The following APCDD1 variants were observed in gnomAD, a reference collection of about 807,000 sequenced individuals.
The protein encoded by APCDD1 is APC down-regulated 1.
In APCDD1, 15 loss-of-function variants were observed where a neutral mutation model predicts 38.1. That is an observed-to-expected ratio of 0.39 (90% CI 0.26 to 0.61). The LOEUF (loss-of-function observed/expected upper bound fraction) is 0.61. APCDD1 is among the 20% of genes least tolerant of loss of function. APCDD1 has a pLI of 0.49. For synonymous variants in APCDD1, 261 were observed against 279.7 expected, an observed-to-expected ratio of 0.93 and a Z score of 0.67; for missense variants, 647 against 696.2, an observed-to-expected ratio of 0.93 and a Z score of 0.79.
chr18:10,484,496 G>T (rs113514807), intron 3 of APCDD1, among the ~76,000 whole-genome samples: 2,723 of 152,172 alleles, frequency 0.018, 51 homozygotes, highest in Admixed American at 0.04. Context: ...GGCACTGATC[G>T]CATTCATGTT....
rs2031290000 is a variant in APCDD1 at position 10,488,095 on chromosome 18, C to T, written c.*57C>T. Reference sequence around the variant, plus strand: ...GGATTCCTTACTATTGACAGATTTGCTTTACCAAAAGAAAAGACATTTATT... The same window carrying T: ...GGATTCCTTACTATTGACAGATTTGTTTTACCAAAAGAAAAGACATTTATT... On this transcript the variant is annotated 3_prime_UTR_variant, in exon 5 of 5. Coordinates refer to ENST00000355285, the MANE Select transcript of APCDD1 (RefSeq NM_153000.5). 1 of 1,592,284 alleles carries T rather than the reference C, an allele frequency of 6.3e-7. No individual in the cohort carries two copies. The highest frequency in any genetic ancestry group is 1.7e-5 in the Admixed American group (1 of 59,250).
intron 1 of APCDD1, among the ~76,000 whole-genome samples, chr18:10,464,002 G>A (rs2030637703): frequency 6.6e-6 from 1 of 152,186 alleles, no homozygotes; most frequent in South Asian, 2.1e-4. Flanking sequence ...TGTCAAATGT[G>A]AGCAATAGCA....
At chr18:10,473,332 C>G (rs563400627) in intron 3 of APCDD1, among the ~76,000 whole-genome samples, 1 of 152,272 alleles carries the variant, frequency 6.6e-6, no homozygotes, top group African/African-American at 2.4e-5. Flanking sequence ...ATGGCTGTGT[C>G]CCCGCGTGTG....
intron 3 of APCDD1, chr18:10,477,535 T>A (rs2031031950): frequency 6.6e-6 from 1 of 152,228 alleles, no homozygotes; most frequent in Non-Finnish European, 1.5e-5. Flanking sequence ...TAAACAGGCA[T>A]GCAAGGTTGC....
chr18:10,485,703 T>G lies in APCDD1; in HGVS notation c.1016T>G (p.Phe339Cys). The G allele has an allele frequency of 6.2e-7, 1 of 1,614,042 alleles. No homozygotes were observed. The highest frequency in any genetic ancestry group is 8.5e-7 in the Non-Finnish European group (1 of 1,180,028). ...YSDPVCKHPT[F>C]SIYARGRYSR... ...GACCCGGTGTGCAAGCACCCCACCT[T>G]CTCCATCTACGCCCGGGGCCGCTAC... The change falls in exon 4 of 5, where the codon TTC becomes TGC. Residue 339 changes from phenylalanine to cysteine, a missense_variant. Transcript: ENST00000355285. This position sits in a 1 kb window ranked among gnomAD's most constrained non-coding sequence, Gnocchi z 5.8.
At chr18:10,468,430 ACTT>A (rs1193842214) in intron 1 of APCDD1, 36 bp from the exon 2 acceptor site, 10 of 1,609,584 alleles carry the variant, frequency 6.2e-6, no homozygotes, top group African/African-American at 1.3e-5. Context: ...GTCTGCTGCT[ACTT>A]CTTCTTTTGG....
In APCDD1 at chr18:10,488,445, C is replaced by G. The variant is rs1303170024; in HGVS notation, c.*407C>G. ...CCATTTTCCTGTGGTTGCAGCCTGT[C>G]TTCCTTTGAAATTGTTTTACTCTCT... On this transcript the variant is annotated 3_prime_UTR_variant, in exon 5 of 5. Coordinates refer to ENST00000355285, the MANE Select transcript of APCDD1 (RefSeq NM_153000.5). The G allele has an allele frequency of 5.2e-6, 1 of 190,872 alleles. No individual in the cohort carries two copies. Among genetic ancestry groups the G allele is most frequent in the Non-Finnish European group, 1.1e-5 (1 of 92,198 alleles). 11.8% of individuals were successfully genotyped at this position (190,872 alleles called of 1,614,324 possible).
At chr18:10,459,096 A>T (rs965849470) in intron 1 of APCDD1, among the ~76,000 whole-genome samples, 1 of 152,172 alleles carries the variant, frequency 6.6e-6, no homozygotes, top group Admixed American at 6.5e-5. Flanking sequence ...TCAGCTAACC[A>T]TTTATTCAGA....
chr18:10,471,861 G>C lies in APCDD1; in HGVS notation c.574G>C (p.Glu192Gln), dbSNP rs199591627. The change falls in exon 3 of 5, where the codon GAG (glutamate) becomes CAG (glutamine). Residue 192 changes from glutamate to glutamine, a missense_variant. Physicochemically the swap from Glu to Gln is conservative, Grantham distance 29 (BLOSUM62 2). Transcript: ENST00000355285. The surrounding 1 kb of genome is among the most constrained non-coding windows in gnomAD (Gnocchi z 5.5). Reference protein sequence around the residue: ...VQDVAYDLWREENGCECTKAV... With the variant: ...VQDVAYDLWRQENGCECTKAV... ...GGACGTGGCCTATGACCTCTGGCGA[G>C]AGGAGAACGGCTGTGAGTGCACCAA... The C allele has an allele frequency of 4.3e-6, 7 of 1,613,804 alleles. No individual in the cohort carries two copies. In the Admixed American group the frequency reaches 1.2e-4, roughly 27 times the overall value.
Position 10,485,880 on chromosome 18 carries a change from C to T in APCDD1, c.1096+97C>T. ...CTGAGGGAAAGGACCTCTTTTCTGCCTGAGTTCCCAGGAAAGAAATTGGGG... is the reference window on the plus strand; with the variant it reads ...CTGAGGGAAAGGACCTCTTTTCTGCTTGAGTTCCCAGGAAAGAAATTGGGG... On this transcript the variant is annotated intron_variant, in intron 4 of 4. Transcript: ENST00000355285. The surrounding 1 kb of genome is among the most constrained non-coding windows in gnomAD (Gnocchi z 5.8). 2 of 1,359,128 alleles carry T rather than the reference C, an allele frequency of 1.5e-6. No homozygotes were observed. The highest frequency in any genetic ancestry group is 1.2e-5 in the South Asian group (1 of 80,832). 84.2% of individuals were successfully genotyped at this position (1,359,128 alleles called of 1,614,324 possible). A position where few individuals can be genotyped will look rare whatever the true frequency, so the allele number is the denominator to read the frequency against.
intron 1 of APCDD1, among the ~76,000 whole-genome samples, chr18:10,463,126 G>A (rs1240644473): frequency 3.3e-5 from 5 of 151,554 alleles, no homozygotes; most frequent in Non-Finnish European, 5.9e-5. Context: ...CCTCCTATGC[G>A]AATCTCTCAC....
chr18:10,454,804 G>A lies in APCDD1; in HGVS notation c.-178G>A. On this transcript the variant is annotated 5_prime_UTR_variant, in exon 1 of 5. Transcript: ENST00000355285. ...CCACAGCCGCCCGACGGCGCCCAGAGAGCGCGCGCCCCGCAGCCCCGCGCC... is the reference window on the plus strand; with the variant it reads ...CCACAGCCGCCCGACGGCGCCCAGAAAGCGCGCGCCCCGCAGCCCCGCGCC... 1.0e-6 allele frequency: 1 copy of A among 982,624 alleles called. No individual in the cohort carries two copies. The highest frequency in any genetic ancestry group is 1.2e-6 in the Non-Finnish European group (1 of 829,754). The allele number at this position is 982,624 out of a possible 1,614,324, so 60.9% of individuals were successfully genotyped here. A position where few individuals can be genotyped will look rare whatever the true frequency, so the allele number is the denominator to read the frequency against.
rs145656366 is a variant in APCDD1, at chr18:10,458,393, A to G, written c.58+3354A>G. On this transcript the variant is annotated intron_variant, in intron 1 of 4. Coordinates refer to ENST00000355285, the MANE Select transcript of APCDD1 (RefSeq NM_153000.5). ...ACATAATGTGAGGAAACGTTTATAC[A>G]GGGTAAAATAGAAATCTTTGAAAAA... 4.9e-3 allele frequency among the ~76,000 whole-genome samples: 752 copies of G among 152,368 alleles called. 1 individual carries two copies. Among genetic ancestry groups the G allele is most frequent in the African/African-American group, 0.017 (709 of 41,584 alleles).
Position 10,454,651 on chromosome 18 carries a change from T to C in APCDD1, c.-331T>C. On this transcript the variant is annotated 5_prime_UTR_variant, in exon 1 of 5. Coordinates refer to ENST00000355285, the MANE Select transcript of APCDD1 (RefSeq NM_153000.5). ...TGGAAATATGAAGAGACGCTGCAGC[T>C]GCGGTGGCGGTGGCGGCCACTGCAG... The C allele has an allele frequency of 9.6e-7, 1 of 1,038,990 alleles. No homozygotes were observed. Among genetic ancestry groups the C allele is most frequent in the South Asian group, 3.2e-5 (1 of 31,560 alleles). 64.4% of individuals were successfully genotyped at this position (1,038,990 alleles called of 1,614,324 possible). A position where few individuals can be genotyped will look rare whatever the true frequency, so the allele number is the denominator to read the frequency against.
rs991155214 is a variant in APCDD1, at chr18:10,470,287, C to T, written c.243-1243C>T. 6.6e-6 allele frequency among the ~76,000 whole-genome samples: 1 copy of T among 152,188 alleles called. No homozygotes were observed. Among genetic ancestry groups the T allele is most frequent in the Non-Finnish European group, 1.5e-5 (1 of 68,028 alleles). Reference sequence around the variant, plus strand: ...AAACCTCATCTAACATGAATCACTGCTTACACTAAACTTCTCTTTCCTTGT... The same window carrying T: ...AAACCTCATCTAACATGAATCACTGTTTACACTAAACTTCTCTTTCCTTGT... On this transcript the variant is annotated intron_variant, in intron 2 of 4. Coordinates refer to ENST00000355285, the MANE Select transcript of APCDD1 (RefSeq NM_153000.5). The surrounding 1 kb of genome is among the most constrained non-coding windows in gnomAD (Gnocchi z 4.1).
At chr18:10,486,012 C>T (rs1168967670) in intron 4 of APCDD1, among the ~76,000 whole-genome samples, 5 of 152,174 alleles carry the variant, frequency 3.3e-5, no homozygotes, top group Non-Finnish European at 2.9e-5. Flanking sequence ...GAGGAGTCCA[C>T]GCCACTGCCT....
chr18:10,460,893 C>T (rs1032908050), intron 1 of APCDD1, among the ~76,000 whole-genome samples: 1 of 152,180 alleles, frequency 6.6e-6, no homozygotes, highest in Non-Finnish European at 1.5e-5. Flanking sequence ...ATGCCAAGGA[C>T]TGCTTTCTAT....
chr18:10,471,381 A>G lies in APCDD1; in HGVS notation c.243-149A>G, dbSNP rs750578368. ...ACTCCTAGGTTGTTGTGAGGAGTCAATGAGTTGGTATCTATAAAGGGCTGA... is the reference window on the plus strand; with the variant it reads ...ACTCCTAGGTTGTTGTGAGGAGTCAGTGAGTTGGTATCTATAAAGGGCTGA... On this transcript the variant is annotated intron_variant, in intron 2 of 4. Transcript: ENST00000355285. This position sits in a 1 kb window ranked among gnomAD's most constrained non-coding sequence, Gnocchi z 5.5. The G allele has an allele frequency of 2.0e-5, 20 of 1,014,606 alleles. 1 individual carries two copies. The highest frequency in any genetic ancestry group is 2.6e-5 in the East Asian group (1 of 38,636). The allele number at this position is 1,014,606 out of a possible 1,614,324, so 62.9% of individuals were successfully genotyped here.
chr18:10,483,910 C>G (rs2031192981), intron 3 of APCDD1, among the ~76,000 whole-genome samples: 2 of 152,184 alleles, frequency 1.3e-5, no homozygotes, highest in Admixed American at 6.5e-5. Context: ...GAGGGATGAC[C>G]CAGGTGCAGG....
Sources: allele counts gnomAD v4.1 joint callset (sites outside exome capture counted in the v4.1 genomes callset), GRCh38; gene constraint gnomAD v4.1.1; non-coding constraint Gnocchi (gnomAD v3.1); transcripts MANE v1.5; gene names NCBI Gene and HGNC (gene_info 2026-07-23, HGNC 2026-07-21).